The following TRIOBP variants were observed in gnomAD, a reference collection of about 807,000 sequenced individuals.
TRIOBP encodes the protein TRIO and F-actin-binding protein.
In TRIOBP, 169 loss-of-function variants were observed where a neutral mutation model predicts 238.8. That is an observed-to-expected ratio of 0.71 (90% CI 0.62 to 0.80). The LOEUF (loss-of-function observed/expected upper bound fraction) is 0.80, where lower values mean the gene tolerates loss of function less well. Ranked by LOEUF, TRIOBP falls within the 30% of genes least tolerant of loss-of-function variation. The probability of loss-of-function intolerance (pLI) is 0.00; values close to 1 mark genes in which losing one functional copy is unlikely to be tolerated. For missense variants in TRIOBP, 2,838 were observed against 3,122.6 expected, an observed-to-expected ratio of 0.91 and a Z score of 2.17; for synonymous variants, 1,150 against 1,274.4, an observed-to-expected ratio of 0.90 and a Z score of 2.08.
intron 7 of TRIOBP, among the ~76,000 whole-genome samples, chr22:37,729,128 G>A (rs1166174635): frequency 2.6e-5 from 4 of 152,036 alleles, no homozygotes; most frequent in Non-Finnish European, 5.9e-5. Context: ...CTGTTGCCCA[G>A]GCTAGTCTTG....
Position 37,726,297 on chromosome 22 carries a change from C to T in TRIOBP, c.3741C>T (p.Gly1247=), listed in dbSNP as rs1314991152. The part of the protein sequence containing the change: ...LAFLAPSPSP[G]SSGGSRGSAP... ...TCCTGGCACCCTCACCTTCACCGGG[C>T]AGCTCTGGGGGCTCCCGGGGCTCAG... The change falls in exon 7 of 24, where the codon GGC becomes GGT. Residue 1247 remains glycine, a synonymous_variant. Coordinates refer to ENST00000644935, the MANE Select transcript of TRIOBP (RefSeq NM_001039141.3). The T allele has an allele frequency of 1.2e-6, 2 of 1,612,982 alleles. No homozygotes were observed. Among genetic ancestry groups the T allele is most frequent in the Admixed American group, 1.7e-5 (1 of 60,008 alleles).
chr22:37,737,746 A>G (rs1340817441), intron 9 of TRIOBP, among the ~76,000 whole-genome samples: 3 of 151,516 alleles, frequency 2.0e-5, no homozygotes, highest in Non-Finnish European at 4.4e-5. Flanking sequence ...ATTGGTGCTG[A>G]GCTGGCTGCA....
chr22:37,743,976 T>A (rs1925091236), intron 11 of TRIOBP, among the ~76,000 whole-genome samples: 1 of 151,194 alleles, frequency 6.6e-6, no homozygotes, highest in African/African-American at 2.4e-5. Context: ...TCCTGGGAAT[T>A]CCTAGTAGTC....
intron 3 of TRIOBP, among the ~76,000 whole-genome samples, chr22:37,706,526 C>T (rs1047903003): frequency 1.4e-4 from 21 of 152,112 alleles, no homozygotes; most frequent in Non-Finnish European, 4.4e-5. Context: ...CACAATGGCT[C>T]CCGCCTGTGA....
intron 21 of TRIOBP, among the ~76,000 whole-genome samples, chr22:37,770,151 T>C (rs894022958): frequency 6.8e-6 from 1 of 147,354 alleles, no homozygotes; most frequent in Non-Finnish European, 1.5e-5. Flanking sequence ...TTAAAACGAT[T>C]CTCCTGGCCG....
intron 3 of TRIOBP, among the ~76,000 whole-genome samples, chr22:37,701,902 T>C (rs1267613403): frequency 6.6e-6 from 1 of 151,868 alleles, no homozygotes; most frequent in Non-Finnish European, 1.5e-5. Context: ...CCGAGGTGGG[T>C]GGATCACCCG....
intron 3 of TRIOBP, among the ~76,000 whole-genome samples, chr22:37,709,628 G>A (rs1007276236): frequency 6.6e-6 from 1 of 152,198 alleles, no homozygotes; most frequent in Non-Finnish European, 1.5e-5. Context: ...CATGGCCGCT[G>A]TCTCCCACCA....
chr22:37,740,838 G>A (rs1472520193), intron 10 of TRIOBP, 57 bp from the exon 11 acceptor site: 1 of 1,551,682 alleles, frequency 6.4e-7, no homozygotes, highest in African/African-American at 1.4e-5. Flanking sequence ...GCTGTAGCCA[G>A]GGGTGCCCCC....
intron 11 of TRIOBP, among the ~76,000 whole-genome samples, chr22:37,743,728 G>A (rs145845975): frequency 2.0e-5 from 3 of 152,016 alleles, no homozygotes; most frequent in African/African-American, 7.2e-5. Context: ...GCTTCCTTTG[G>A]TCTGAGACTT....
Position 37,713,327 on chromosome 22 carries a change from C to T in TRIOBP, c.372C>T (p.Gly124=). 1 of 1,614,022 alleles carries T rather than the reference C, an allele frequency of 6.2e-7. No homozygotes were observed. Among genetic ancestry groups the T allele is most frequent in the South Asian group, 1.1e-5 (1 of 91,090 alleles). The change falls in exon 5 of 24, where the codon GGC becomes GGT. Residue 124 remains glycine, a synonymous_variant. Coordinates refer to ENST00000644935, the MANE Select transcript of TRIOBP (RefSeq NM_001039141.3). The stretch of plus-strand genomic sequence containing the variant: ...AGGGCCTGACCACTTCCTTGTGTGG[C>T]AGCTGCAACGAGGACCCCGGCTCTG... ...YLEGLTTSLC[G]SCNEDPGSDP...
intron 12 of TRIOBP, among the ~76,000 whole-genome samples, chr22:37,754,495 C>G (rs1449322133): frequency 1.3e-5 from 2 of 151,846 alleles, no homozygotes; most frequent in Non-Finnish European, 2.9e-5. Context: ...GTCCTACTTC[C>G]CAGGGGACCA....
intron 15 of TRIOBP, among the ~76,000 whole-genome samples, chr22:37,756,728 A>G (rs1322968021): frequency 6.6e-6 from 1 of 152,236 alleles, no homozygotes; most frequent in Non-Finnish European, 1.5e-5. Flanking sequence ...TCACATGGCT[A>G]CAAGTAGCTG....
chr22:37,767,393 C>G (rs1926560108), intron 18 of TRIOBP, among the ~76,000 whole-genome samples: 1 of 152,008 alleles, frequency 6.6e-6, no homozygotes, highest in African/African-American at 2.4e-5. Context: ...ATGGGTGGCC[C>G]TGAGTGGGAA....
At chr22:37,733,719 G>A (rs1289071377) in intron 8 of TRIOBP, among the ~76,000 whole-genome samples, 4 of 141,790 alleles carry the variant, frequency 2.8e-5, no homozygotes, top group Non-Finnish European at 6.0e-5. Context: ...CTCCCAGGCT[G>A]GAGTGCAGTG....
At chr22:37,733,666 CTTTTTTTT>C (rs529942326) in intron 8 of TRIOBP, among the ~76,000 whole-genome samples, 1 of 97,370 alleles carries the variant, frequency 1.0e-5, no homozygotes, top group African/African-American at 3.8e-5. Context: ...GCACTGCTGT[CTTTTTTTT>C]TTTTTTTTTT....
At position 37,724,680 on chromosome 22, in the gene TRIOBP, C is replaced by T. The variant is rs1924027858; in HGVS notation, c.2124C>T (p.Ala708=). 3.7e-6 allele frequency: 6 copies of T among 1,610,210 alleles called. No homozygotes were observed. The African/African-American group carries it at 5.4e-5, about 14-fold the overall frequency. ...GTGCCCAACGGGACGATCCCAGAGCCTCCTCTCCTAACAGAACCACCCAAC... is the reference window on the plus strand; with the variant it reads ...GTGCCCAACGGGACGATCCCAGAGCTTCCTCTCCTAACAGAACCACCCAAC... ...TSCAQRDDPR[A]SSPNRTTQQE... is the part of the protein sequence containing the mutation. The change falls in exon 7 of 24, where the codon GCC becomes GCT. Residue 708 remains alanine, a synonymous_variant. Transcript: ENST00000644935.
chr22:37,771,978 T>G, intron 22 of TRIOBP: 1 of 598,564 alleles, frequency 1.7e-6, no homozygotes, highest in Non-Finnish European at 3.1e-6. Context: ...ATTTAATTTA[T>G]TGATTATTAT....
intron 17 of TRIOBP, chr22:37,759,485 GC>G: frequency 6.3e-7 from 1 of 1,598,084 alleles, no homozygotes. Flanking sequence ...TATGTGACTT[GC>G]CCAAGGTCAC....
intron 11 of TRIOBP, among the ~76,000 whole-genome samples, chr22:37,749,669 G>A (rs1051674212): frequency 6.6e-5 from 10 of 151,694 alleles, no homozygotes; most frequent in African/African-American, 2.4e-4. Context: ...TTGGTTGGCC[G>A]GGCACATTGG....
Sources: allele counts gnomAD v4.1 joint callset (sites outside exome capture counted in the v4.1 genomes callset), GRCh38; gene constraint gnomAD v4.1.1; transcripts MANE v1.5; gene names NCBI Gene and HGNC (gene_info 2026-07-23, HGNC 2026-07-21).